Variants in XYLT1 observed in about 807,000 individuals in gnomAD.
XYLT1 encodes the protein beta-D-xylosyltransferase 1.
In XYLT1, 36 loss-of-function variants were observed where a neutral mutation model predicts 91.3. That is an observed-to-expected ratio of 0.39 (90% confidence interval 0.30 to 0.52). The LOEUF (loss-of-function observed/expected upper bound fraction) is 0.52, where lower values mean the gene tolerates loss of function less well. Among genes scored for constraint, XYLT1 ranks in the 20% least tolerant of loss-of-function variants. The pLI, the probability that XYLT1 is intolerant of heterozygous loss-of-function variation, is 0.68. For synonymous variants in XYLT1, 588 were observed against 532.0 expected (o/e 1.11, Z -1.45); for missense variants, 1,242 against 1,284.5 (o/e 0.97, Z 0.51).
Position 17,295,361 on chromosome 16 carries a change from T to C in XYLT1, c.403-35863A>G, listed in dbSNP as rs1344787203. On this transcript the variant is annotated intron_variant, in intron 2 of 11. Coordinates refer to ENST00000261381, the MANE Select transcript of XYLT1 (RefSeq NM_022166.4). ...TGTTTTGTTTTGTTTTGTTTTGTTT[T>C]GTTTTGTTTTTGGAGACAGATTCTT... 2.0e-5 allele frequency among the ~76,000 whole-genome samples: 3 copies of C among 152,098 alleles called. No homozygotes were observed. In the East Asian group the frequency reaches 5.8e-4, roughly 29 times the overall value.
chr16:17,350,740 A>T (rs2035209222), intron 2 of XYLT1, among the ~76,000 whole-genome samples: 1 of 150,886 alleles, frequency 6.6e-6, no homozygotes, highest in East Asian at 1.9e-4. Flanking sequence ...GGTAAGAGCC[A>T]TTCAGAAGCT....
chr16:17,206,873 C>A (rs1368552384), intron 3 of XYLT1, among the ~76,000 whole-genome samples: 1 of 152,150 alleles, frequency 6.6e-6, no homozygotes, highest in African/African-American at 2.4e-5. Context: ...TGGAAACCAC[C>A]ACTTGGGTGT....
intron 1 of XYLT1, among the ~76,000 whole-genome samples, chr16:17,463,268 T>G (rs964612753): frequency 6.6e-6 from 1 of 151,878 alleles, no homozygotes; most frequent in African/African-American, 2.4e-5. Context: ...CGGCAAACAA[T>G]CAACAAATTA....
intron 6 of XYLT1, among the ~76,000 whole-genome samples, chr16:17,151,368 G>A (rs567077239): frequency 6.6e-6 from 1 of 152,290 alleles, no homozygotes; most frequent in South Asian, 2.1e-4. Flanking sequence ...GGAGGTTGGA[G>A]TGAGCTGAGA....
intron 6 of XYLT1, among the ~76,000 whole-genome samples, chr16:17,145,287 T>C (rs79092451): frequency 1.3e-5 from 2 of 152,162 alleles, no homozygotes; most frequent in African/African-American, 4.8e-5. Flanking sequence ...TCCTTAAATC[T>C]CAGTTTACTT....
chr16:17,201,416 A>C (rs1350246272), intron 3 of XYLT1, among the ~76,000 whole-genome samples: 1 of 152,180 alleles, frequency 6.6e-6, no homozygotes, highest in Non-Finnish European at 1.5e-5. Flanking sequence ...AACCAAGTTA[A>C]TTAACCAATA....
At chr16:17,297,970 G>A (rs930754455) in intron 2 of XYLT1, among the ~76,000 whole-genome samples, 1 of 151,310 alleles carries the variant, frequency 6.6e-6, no homozygotes, top group Non-Finnish European at 1.5e-5. Context: ...GCAGTGAGCC[G>A]AGATCGCGCC....
chr16:17,424,686 G>A (rs746361928), intron 1 of XYLT1, among the ~76,000 whole-genome samples: 1 of 151,914 alleles, frequency 6.6e-6, no homozygotes, highest in Non-Finnish European at 1.5e-5. Flanking sequence ...TGGTCAACAC[G>A]GTGAAACCCC....
In XYLT1 at chr16:17,108,945, G is replaced by A; in HGVS notation, c.2630C>T (p.Pro877Leu). Residue 877 changes from proline (P) to leucine (L), a missense_variant, in exon 12 of 12, where the codon CCC (proline) becomes CTC (leucine). Pro to Leu is a moderately conservative substitution (Grantham distance 98). Coordinates refer to ENST00000261381, the MANE Select transcript of XYLT1 (RefSeq NM_022166.4). ...GGGGTTGATGGGCAGGCTGAGGACG[G>A]GGTTTAGGCTCTGGAAGCTCTGCTC... ...YMEQSFQSLN[P>L]VLSLPINPAQ... 6.3e-7 allele frequency: 1 copy of A among 1,592,038 alleles called. No homozygotes were observed. The highest frequency in any genetic ancestry group is 8.6e-7 in the Non-Finnish European group (1 of 1,163,860).
chr16:17,360,676 T>C (rs964338922), intron 1 of XYLT1, among the ~76,000 whole-genome samples: 2 of 152,210 alleles, frequency 1.3e-5, no homozygotes, highest in African/African-American at 4.8e-5. Context: ...GGTATGACTA[T>C]ATATCTGTGA....
intron 1 of XYLT1, among the ~76,000 whole-genome samples, chr16:17,456,879 A>T (rs891114457): frequency 2.0e-5 from 3 of 152,218 alleles, no homozygotes; most frequent in Non-Finnish European, 4.4e-5. Context: ...TATAATGATT[A>T]AAATGATAAT....
intron 1 of XYLT1, among the ~76,000 whole-genome samples, chr16:17,417,942 C>T (rs1021375126): frequency 4.1e-4 from 62 of 152,344 alleles, no homozygotes; most frequent in African/African-American, 1.4e-3. Context: ...CAGCCAACAG[C>T]TCCAGCTGAG....
chr16:17,309,882 A>G (rs2034518345), intron 2 of XYLT1, among the ~76,000 whole-genome samples: 1 of 152,168 alleles, frequency 6.6e-6, no homozygotes, highest in South Asian at 2.1e-4. Flanking sequence ...GTGGATGGTG[A>G]GAAAGGCTAT....
At position 17,112,337 on chromosome 16, in the gene XYLT1, C is replaced by T. The variant is rs79349476; in HGVS notation, c.2558-3320G>A. Among the ~76,000 whole-genome samples the T allele has an allele frequency of 5.6e-3, 844 of 151,402 alleles. 7 individuals carry two copies. Among genetic ancestry groups the T allele is most frequent in the African/African-American group, 0.018 (747 of 41,262 alleles). On this transcript the variant is annotated intron_variant, in intron 11 of 11. Transcript: ENST00000261381. ...TGTTCACTGTCATTCATTGGAACAT[C>T]GCTAACAAATACAATTACCAAGGAC...
At chr16:17,125,637 T>C (rs2030235126) in intron 10 of XYLT1, among the ~76,000 whole-genome samples, 1 of 152,122 alleles carries the variant, frequency 6.6e-6, no homozygotes, top group Admixed American at 6.5e-5. Context: ...CCTTCCTAGA[T>C]GAATCAATCA....
intron 2 of XYLT1, among the ~76,000 whole-genome samples, chr16:17,275,750 G>A (rs1434595399): frequency 2.6e-5 from 4 of 152,040 alleles, no homozygotes; most frequent in Non-Finnish European, 5.9e-5. Flanking sequence ...AACATTCTCC[G>A]ATCCAGGTCC....
chr16:17,264,199 T>C (rs886456457), intron 2 of XYLT1, among the ~76,000 whole-genome samples: 4 of 152,200 alleles, frequency 2.6e-5, no homozygotes, highest in Non-Finnish European at 5.9e-5. Context: ...TGAGATGTTA[T>C]GCCTGTCCAT....
At chr16:17,125,619 T>C (rs548800779) in intron 10 of XYLT1, among the ~76,000 whole-genome samples, 2 of 152,224 alleles carry the variant, frequency 1.3e-5, no homozygotes, top group Non-Finnish European at 2.9e-5. Flanking sequence ...GTGATCTCCT[T>C]AGAAAAGCCT....
rs527732465 is a variant in XYLT1 at position 17,367,613 on chromosome 16, T to C, written c.364-9563A>G. The stretch of plus-strand genomic sequence containing the variant: ...AGATCTCTGTTCCACAGGAAAATAG[T>C]TCATATTTGAGCTCCAGAATCCAAA... On this transcript the variant is annotated intron_variant, in intron 1 of 11. Transcript: ENST00000261381. Among the ~76,000 whole-genome samples, 20 of 152,322 alleles carry C rather than the reference T, an allele frequency of 1.3e-4. No homozygotes were observed. In the South Asian group the frequency reaches 4.1e-3, roughly 32 times the overall value.
Sources: allele counts gnomAD v4.1 joint callset (sites outside exome capture counted in the v4.1 genomes callset), GRCh38; gene constraint gnomAD v4.1.1; transcripts MANE v1.5; gene names NCBI Gene and HGNC (gene_info 2026-07-23, HGNC 2026-07-21).